UBE2F: variants seen among roughly 807,000 people sequenced by gnomAD.
UBE2F encodes the protein ubiquitin conjugating enzyme E2 F (putative), also known as NEDD8-conjugating enzyme UBE2F.
Under a neutral mutation model 29.6 loss-of-function variants are expected in UBE2F, and 5 were observed. That is an observed-to-expected ratio of 0.17 (90% CI 0.09 to 0.36). The LOEUF (loss-of-function observed/expected upper bound fraction) is 0.36, where lower values mean the gene tolerates loss of function less well. Among genes scored for constraint, UBE2F ranks in the 10% least tolerant of loss-of-function variants. The pLI is 1.00. For missense variants in UBE2F, 141 were observed against 228.5 expected (o/e 0.62, Z 2.47); for synonymous variants, 66 against 81.8 (o/e 0.81, Z 1.04).
At chr2:238,020,606 G>T (rs147227250) in intron 5 of UBE2F, among the ~76,000 whole-genome samples, 11 of 152,268 alleles carry the variant, frequency 7.2e-5, no homozygotes, top group African/African-American at 2.6e-4. Flanking sequence ...AAAGTCGATC[G>T]TTATTTTAGA....
At position 238,039,829 on chromosome 2, in the gene UBE2F, C is replaced by T. The variant is rs115579030; in HGVS notation, c.508-1459C>T. On this transcript the variant is annotated intron_variant, in intron 9 of 9. Transcript: ENST00000272930. ...ACTAAGAGTACATGGCATCTTTTGT[C>T]CTCCAGAACATGGAGAGGCAGGGGG... Among the ~76,000 whole-genome samples, 620 of 152,288 alleles carry T rather than the reference C, an allele frequency of 4.1e-3. 4 individuals carry two copies. The highest frequency in any genetic ancestry group is 0.014 in the African/African-American group (592 of 41,548).
intron 4 of UBE2F, among the ~76,000 whole-genome samples, chr2:237,997,183 G>A (rs1050972246): frequency 1.3e-5 from 2 of 151,966 alleles, no homozygotes; most frequent in Non-Finnish European, 2.9e-5. Context: ...GCTGAGATTG[G>A]CCCAGTGCAC....
chr2:238,037,826 C>T (rs183212118), intron 9 of UBE2F, among the ~76,000 whole-genome samples: 1 of 152,270 alleles, frequency 6.6e-6, no homozygotes, highest in African/African-American at 2.4e-5. Context: ...CCATGCTGGT[C>T]TCAAACTCCT....
chr2:238,022,778 G>A (rs956687154), intron 5 of UBE2F, among the ~76,000 whole-genome samples: 1 of 152,168 alleles, frequency 6.6e-6, no homozygotes. Flanking sequence ...GCCGTGCCAA[G>A]CACTGAGGGG....
intron 9 of UBE2F, 94 bp downstream of exon 9, chr2:238,036,034 C>T (rs2064700395): frequency 1.3e-5 from 15 of 1,145,310 alleles, no homozygotes; most frequent in Non-Finnish European, 1.9e-5. Flanking sequence ...ATTTATCCAC[C>T]AAGAGAGTGG....
chr2:238,041,225 T>C (rs1479615118), intron 9 of UBE2F, 63 bp from the exon 10 acceptor site: 3 of 1,493,612 alleles, frequency 2.0e-6, no homozygotes, highest in African/African-American at 2.8e-5. Context: ...CCTGAAGCGC[T>C]GCTTCACTCA....
rs554143328 is a variant in UBE2F at position 238,009,241 on chromosome 2, C to T, written c.215-7325C>T. 2.6e-5 allele frequency among the ~76,000 whole-genome samples: 4 copies of T among 152,244 alleles called. No individual in the cohort carries two copies. In the South Asian group the frequency reaches 8.3e-4, roughly 31 times the overall value. On this transcript the variant is annotated intron_variant, in intron 4 of 9. Transcript: ENST00000272930. ...TTTATCACACTTGGGGTTTATTAAG[C>T]TTTTTGGATCTGTGAGTTATAGTTT... is the stretch of plus-strand genomic sequence containing the variant.
chr2:238,028,063 A>C (rs1222299750), intron 6 of UBE2F, among the ~76,000 whole-genome samples: 1 of 152,208 alleles, frequency 6.6e-6, no homozygotes, highest in Non-Finnish European at 1.5e-5. Context: ...TTGCTTAATG[A>C]CATCTCTGAT....
At chr2:237,986,251 G>T in intron 2 of UBE2F, 1 of 316,448 alleles carries the variant, frequency 3.2e-6, no homozygotes, top group Non-Finnish European at 6.1e-6. Flanking sequence ...CCAGGCTCAG[G>T]TGATCCTCCC....
Position 237,967,660 on chromosome 2 carries a change from C to T in UBE2F, c.-17+528C>T, listed in dbSNP as rs1028139090. Among the ~76,000 whole-genome samples the T allele has an allele frequency of 2.6e-5, 4 of 152,188 alleles. No individual in the cohort carries two copies. Among genetic ancestry groups the T allele is most frequent in the Non-Finnish European group, 4.4e-5 (3 of 68,034 alleles). Reference sequence around the variant, plus strand: ...GGGGGAGGTGAGGGGAGTGACAACTCGCGCCCGGTCCTCGTACCTGCAGCG... The same window carrying T: ...GGGGGAGGTGAGGGGAGTGACAACTTGCGCCCGGTCCTCGTACCTGCAGCG... On this transcript the variant is annotated intron_variant, in intron 1 of 9. Transcript: ENST00000272930. This position sits in a 1 kb window ranked among gnomAD's most constrained non-coding sequence, Gnocchi z 6.3.
intron 5 of UBE2F, among the ~76,000 whole-genome samples, chr2:238,018,560 G>GTTATTTAT (rs1553558694): frequency 6.6e-6 from 1 of 151,974 alleles, no homozygotes; most frequent in Non-Finnish European, 1.5e-5. Context: ...GGTTCAGTGG[G>GTTATTTAT]TTATTTATTT....
Position 237,988,082 on chromosome 2 carries a change from C to G in UBE2F, c.148+90C>G, listed in dbSNP as rs2063517945. 8.3e-6 allele frequency: 6 copies of G among 726,208 alleles called. No individual in the cohort carries two copies. In the East Asian group the frequency reaches 1.8e-4, roughly 22 times the overall value. 45.0% of individuals were successfully genotyped at this position (726,208 alleles called of 1,614,324 possible). A position where few individuals can be genotyped will look rare whatever the true frequency, so the allele number is the denominator to read the frequency against. ...TTTAATAACCTTGTATAGTAAAAAG[C>G]CTATTTTTCATGTATGTTAGGAATG... is the stretch of plus-strand genomic sequence containing the variant. On this transcript the variant is annotated intron_variant, in intron 3 of 9. Transcript: ENST00000272930.
chr2:237,987,816 A>G, intron 2 of UBE2F, 147 bp from the exon 3 acceptor site: 1 of 555,940 alleles, frequency 1.8e-6, no homozygotes, highest in Non-Finnish European at 3.2e-6. Flanking sequence ...AATGGCTTAA[A>G]GTCTAAACTT....
chr2:238,034,750 A>G (rs978954137), intron 8 of UBE2F, among the ~76,000 whole-genome samples: 7 of 152,352 alleles, frequency 4.6e-5, no homozygotes, highest in East Asian at 1.9e-4. Context: ...GGTCACAGCC[A>G]TATTAATCTC....
At chr2:238,027,073 G>A (rs1339529693) in intron 6 of UBE2F, among the ~76,000 whole-genome samples, 2 of 152,202 alleles carry the variant, frequency 1.3e-5, no homozygotes, top group African/African-American at 4.8e-5. Context: ...AATGGGTCCA[G>A]AATAGGAAGC....
At chr2:238,000,038 G>C (rs1301005862) in intron 4 of UBE2F, among the ~76,000 whole-genome samples, 1 of 152,032 alleles carries the variant, frequency 6.6e-6, no homozygotes. Context: ...TGGCCAGGCT[G>C]GTCTCAGTCT....
intron 5 of UBE2F, among the ~76,000 whole-genome samples, chr2:238,017,979 C>T (rs868685715): frequency 2.0e-5 from 3 of 152,332 alleles, no homozygotes; most frequent in African/African-American, 7.2e-5. Context: ...TACCGGACTA[C>T]TCCATTTAAG....
rs1454322127 is a variant in UBE2F at position 237,967,296 on chromosome 2, C to A, written c.-17+164C>A. On this transcript the variant is annotated intron_variant, in intron 1 of 9. Transcript: ENST00000272930. This position sits in a 1 kb window ranked among gnomAD's most constrained non-coding sequence, Gnocchi z 6.3. ...CGGGCGCGGGCACCCGGACGCGAGG[C>A]CGAGCGGCGTGAATGGGAAGGGGCC... Among the ~76,000 whole-genome samples, 1 of 146,294 alleles carries A rather than the reference C, an allele frequency of 6.8e-6. No individual in the cohort carries two copies. Among genetic ancestry groups the A allele is most frequent in the Non-Finnish European group, 1.5e-5 (1 of 65,804 alleles).
chr2:238,032,385 C>T (rs933684054), intron 8 of UBE2F, 131 bp downstream of exon 8: 12 of 753,974 alleles, frequency 1.6e-5, no homozygotes, highest in East Asian at 8.0e-5. Context: ...CAGTGGCTCA[C>T]GCCTGTAATC....
Sources: allele counts gnomAD v4.1 joint callset (sites outside exome capture counted in the v4.1 genomes callset), GRCh38; gene constraint gnomAD v4.1.1; non-coding constraint Gnocchi (gnomAD v3.1); transcripts MANE v1.5; gene names NCBI Gene and HGNC (gene_info 2026-07-23, HGNC 2026-07-21).